Variants in DAB1 observed in about 807,000 individuals in gnomAD.
The protein encoded by DAB1 is DAB adaptor protein 1.
In DAB1, 15 loss-of-function variants were observed where a neutral mutation model predicts 64.6. The observed-to-expected ratio is 0.23, with a 90% CI of 0.16 to 0.36. The LOEUF (loss-of-function observed/expected upper bound fraction) is 0.36, where lower values mean the gene tolerates loss of function less well. Among genes scored for constraint, DAB1 ranks in the 10% least tolerant of loss-of-function variants. The probability of loss-of-function intolerance (pLI) is 1.00; values close to 1 mark genes in which losing one functional copy is unlikely to be tolerated. For synonymous variants in DAB1, 235 were observed against 251.9 expected, an observed-to-expected ratio of 0.93 and a Z score of 0.64; for missense variants, 596 against 706.7, an observed-to-expected ratio of 0.84 and a Z score of 1.78.
chr1:58,056,238 G>A, intron 5 of DAB1: 1 of 1,417,364 alleles, frequency 7.1e-7, no homozygotes, highest in Non-Finnish European at 9.8e-7. Flanking sequence ...TGACTACTTT[G>A]CTGTGAATTG....
At chr1:57,829,075 T>C (rs1652475848) in intron 1 of DAB1, among the ~76,000 whole-genome samples, 1 of 152,178 alleles carries the variant, frequency 6.6e-6, no homozygotes, top group African/African-American at 2.4e-5. Flanking sequence ...GTTTAATTTT[T>C]CCCAACCCCC....
chr1:58,088,424 T>G (rs1442433337), intron 5 of DAB1, among the ~76,000 whole-genome samples: 1 of 152,202 alleles, frequency 6.6e-6, no homozygotes, highest in Non-Finnish European at 1.5e-5. Context: ...ATTTAAAAAA[T>G]TATCTTCTAA....
intron 5 of DAB1, among the ~76,000 whole-genome samples, chr1:57,969,972 C>G (rs1283044658): frequency 6.6e-6 from 1 of 152,032 alleles, no homozygotes; most frequent in Non-Finnish European, 1.5e-5. Context: ...AGAGGTAAAG[C>G]CTTTATAAAT....
chr1:57,139,055 T>A (rs945539415), intron 3 of DAB1, among the ~76,000 whole-genome samples: 4 of 152,180 alleles, frequency 2.6e-5, no homozygotes, highest in Admixed American at 6.5e-5. Flanking sequence ...CATGTTACTA[T>A]CCCTTTCCAC....
intron 4 of DAB1, among the ~76,000 whole-genome samples, chr1:58,159,816 T>C (rs1343382524): frequency 6.6e-6 from 1 of 152,168 alleles, no homozygotes; most frequent in Non-Finnish European, 1.5e-5. Flanking sequence ...ATTGCTCAGC[T>C]GAGGACACTA....
chr1:58,263,704 G>GACCA (rs201141352), intron 4 of DAB1, among the ~76,000 whole-genome samples: 1,713 of 152,296 alleles, frequency 0.011, 16 homozygotes, highest in Middle Eastern at 0.041. Flanking sequence ...AAGAATGACT[G>GACCA]ACCATACAAA....
chr1:57,378,423 C>T (rs1322693538), intron 1 of DAB1, among the ~76,000 whole-genome samples: 2 of 152,150 alleles, frequency 1.3e-5, no homozygotes, highest in African/African-American at 2.4e-5. Context: ...TCCTGAGGAA[C>T]TCCTCAAATT....
At chr1:57,023,751 G>A (rs1646697160) in intron 10 of DAB1, 112 bp from the exon 11 acceptor site, 4 of 702,462 alleles carry the variant, frequency 5.7e-6, no homozygotes, top group Non-Finnish European at 1.0e-5. Context: ...CACAGTTCAA[G>A]CCACTTATGG....
intron 6 of DAB1, among the ~76,000 whole-genome samples, chr1:57,771,720 T>C (rs991228978): frequency 6.6e-6 from 1 of 152,094 alleles, no homozygotes; most frequent in Non-Finnish European, 1.5e-5. Context: ...AATTCTTCTT[T>C]TATTATAATG....
intron 7 of DAB1, among the ~76,000 whole-genome samples, chr1:57,618,965 C>T (rs1287308779): frequency 6.6e-6 from 1 of 152,126 alleles, no homozygotes; most frequent in African/African-American, 2.4e-5. Context: ...TAAAAAGATG[C>T]TAATGATAAT....
At chr1:57,691,052 G>A (rs1309829216) in intron 6 of DAB1, among the ~76,000 whole-genome samples, 3 of 151,990 alleles carry the variant, frequency 2.0e-5, no homozygotes, top group African/African-American at 7.2e-5. Flanking sequence ...TTAATCCTTT[G>A]TCAGATGGGT....
intron 9 of DAB1, among the ~76,000 whole-genome samples, chr1:57,043,132 T>C (rs1648010100): frequency 6.6e-6 from 1 of 152,206 alleles, no homozygotes; most frequent in African/African-American, 2.4e-5. Flanking sequence ...GTGGTTCTAG[T>C]GTGTCAGCAA....
At chr1:57,713,744 G>A (rs1287534259) in intron 6 of DAB1, among the ~76,000 whole-genome samples, 1 of 152,202 alleles carries the variant, frequency 6.6e-6, no homozygotes, top group Admixed American at 6.5e-5. Flanking sequence ...ACTTGGATCA[G>A]AGTATGGATG....
intron 1 of DAB1, among the ~76,000 whole-genome samples, chr1:57,320,076 A>G (rs958736703): frequency 6.6e-6 from 1 of 152,190 alleles, no homozygotes; most frequent in African/African-American, 2.4e-5. Flanking sequence ...AAATGGCTTT[A>G]TTCCTTAAGT....
At chr1:57,583,517 C>T (rs1426733582) in intron 7 of DAB1, among the ~76,000 whole-genome samples, 1 of 152,016 alleles carries the variant, frequency 6.6e-6, no homozygotes, top group African/African-American at 2.4e-5. Flanking sequence ...CATCTCCTGA[C>T]CTTGTGATCC....
At position 58,323,261 on chromosome 1, in the gene DAB1, AAT is replaced by A. The variant is rs1662736599; in HGVS notation, n.309+20089_309+20090del. Among the ~76,000 whole-genome samples, 22 of 150,834 alleles carry A rather than the reference AAT, an allele frequency of 1.5e-4. No homozygotes were observed. The South Asian group carries it at 4.6e-3, about 32-fold the overall frequency. ...TAATAATAATAATAATAATAATAAT[AAT>A]AATAAAATATTCATCACTCTCCTTG... is the stretch of plus-strand genomic sequence containing the variant. On this transcript the variant is annotated intron_variant and non_coding_transcript_variant, in intron 4 of 20. Coordinates refer to the DAB1 transcript ENST00000485760.
intron 4 of DAB1, among the ~76,000 whole-genome samples, chr1:58,246,838 G>A (rs1490653806): frequency 6.6e-6 from 1 of 152,082 alleles, no homozygotes; most frequent in Non-Finnish European, 1.5e-5. Flanking sequence ...GTGACTCTGT[G>A]TGTGAAGGTG....
intron 1 of DAB1, among the ~76,000 whole-genome samples, chr1:57,340,135 A>G (rs1014623395): frequency 1.3e-5 from 2 of 152,220 alleles, no homozygotes; most frequent in Non-Finnish European, 2.9e-5. Flanking sequence ...GCATTACGGC[A>G]GGCTTACCCT....
chr1:57,129,254 A>G (rs1005092967), intron 4 of DAB1, among the ~76,000 whole-genome samples: 1 of 152,142 alleles, frequency 6.6e-6, no homozygotes, highest in Non-Finnish European at 1.5e-5. Context: ...TTGGTCCTGT[A>G]AATTATCTCA....
Sources: gnomAD v4.1 joint callset for allele counts (sites outside exome capture counted in the v4.1 genomes callset) on GRCh38, gnomAD v4.1.1 for gene constraint, MANE v1.5 for transcripts, NCBI Gene and HGNC (gene_info 2026-07-23, HGNC 2026-07-21) for gene names.